The following PIK3C3 variants were observed in gnomAD, a reference collection of about 807,000 sequenced individuals.
PIK3C3 encodes PI3-kinase type 3.
In PIK3C3, 95 loss-of-function variants were observed where a neutral mutation model predicts 126.1. The observed-to-expected ratio is 0.75, with a 90% CI of 0.64 to 0.89. PIK3C3 has a LOEUF of 0.89. Ranked by LOEUF, PIK3C3 falls within the 40% of genes least tolerant of loss-of-function variation. PIK3C3 has a pLI of 0.00. For missense variants in PIK3C3, 829 were observed against 1,063.2 expected, an observed-to-expected ratio of 0.78 and a Z score of 3.06; for synonymous variants, 374 against 360.0, an observed-to-expected ratio of 1.04 and a Z score of -0.44.
At chr18:41,994,867 A>T (rs1285671629) in intron 7 of PIK3C3, among the ~76,000 whole-genome samples, 2 of 152,010 alleles carry the variant, frequency 1.3e-5, no homozygotes, top group South Asian at 4.1e-4. Context: ...GGGAGACCCC[A>T]TCTCTACAAA....
chr18:42,059,004 C>G (rs758654122), intron 22 of PIK3C3, among the ~76,000 whole-genome samples: 1 of 152,204 alleles, frequency 6.6e-6, no homozygotes, highest in Non-Finnish European at 1.5e-5. Context: ...ATCAATTACT[C>G]ATACAGTGTT....
In PIK3C3 at chr18:42,082,754, A is replaced by G. The variant is rs1986294766; in HGVS notation, c.*1617A>G. 6.6e-6 allele frequency: 1 copy of G among 152,190 alleles called. No individual in the cohort carries two copies. Among genetic ancestry groups the G allele is most frequent in the Non-Finnish European group, 1.5e-5 (1 of 68,040 alleles). The allele number at this position is 152,190 out of a possible 1,614,324, so 9.4% of individuals were successfully genotyped here. ...CATACTTTTTCTTTAATGGGCTAAG[A>G]AAGTAAATATCTTCAGCTTTGGGGG... is the stretch of plus-strand genomic sequence containing the variant. On this transcript the variant is annotated 3_prime_UTR_variant, in exon 25 of 25. Coordinates refer to ENST00000262039, the MANE Select transcript of PIK3C3 (RefSeq NM_002647.4).
intron 13 of PIK3C3, among the ~76,000 whole-genome samples, chr18:42,022,337 C>T (rs186496037): frequency 2.0e-5 from 3 of 152,198 alleles, no homozygotes; most frequent in East Asian, 1.9e-4. Context: ...GCCCTGTGTC[C>T]AAGTGTTCTC....
At chr18:41,955,415 C>T (rs1036429056) in intron 1 of PIK3C3, 56 bp downstream of exon 1, 1 of 1,462,278 alleles carries the variant, frequency 6.8e-7, no homozygotes, top group African/African-American at 1.4e-5. Context: ...GACGTGGGGG[C>T]AGGGGCCTGT....
At chr18:42,053,030 A>G (rs571765923) in intron 21 of PIK3C3, 6 of 152,314 alleles carry the variant, frequency 3.9e-5, no homozygotes, top group South Asian at 2.1e-4. Flanking sequence ...TTGAATTTCA[A>G]TCAGACTTCC....
At chr18:41,966,758 C>T (rs1393325694) in intron 3 of PIK3C3, among the ~76,000 whole-genome samples, 1 of 152,084 alleles carries the variant, frequency 6.6e-6, no homozygotes, top group African/African-American at 2.4e-5. Flanking sequence ...TTCTGTTTTC[C>T]ATAGTCAGAT....
intron 4 of PIK3C3, among the ~76,000 whole-genome samples, chr18:41,972,915 C>T (rs1190586155): frequency 6.6e-6 from 1 of 151,986 alleles, no homozygotes; most frequent in Non-Finnish European, 1.5e-5. Context: ...TAAGATTTGA[C>T]AAAATTGGAA....
intron 16 of PIK3C3, among the ~76,000 whole-genome samples, chr18:42,035,153 A>G (rs1983992224): frequency 6.6e-6 from 1 of 152,198 alleles, no homozygotes; most frequent in African/African-American, 2.4e-5. Flanking sequence ...TATAGGAGAT[A>G]CAGTGCAATT....
chr18:41,994,381 G>A (rs1481482260), intron 7 of PIK3C3, among the ~76,000 whole-genome samples: 1 of 152,160 alleles, frequency 6.6e-6, no homozygotes, highest in East Asian at 1.9e-4. Context: ...CACTAAGTAT[G>A]AAGAAATTCA....
intron 4 of PIK3C3, 40 bp from the exon 5 acceptor site, chr18:41,987,772 G>A (rs747444838): frequency 7.4e-7 from 1 of 1,346,690 alleles, no homozygotes; most frequent in Non-Finnish European, 1.1e-6. Flanking sequence ...CTTTCTACTA[G>A]ATGTATATTA....
chr18:42,010,688 A>G (rs1250604658), intron 10 of PIK3C3, among the ~76,000 whole-genome samples: 1 of 152,130 alleles, frequency 6.6e-6, no homozygotes, highest in Admixed American at 6.5e-5. Flanking sequence ...GAAAGTTAGA[A>G]TCAACTTCTT....
At position 42,012,186 on chromosome 18, in the gene PIK3C3, A is replaced by T. The variant is rs1244062138; in HGVS notation, c.1171-1256A>T. 5.4e-3 allele frequency among the ~76,000 whole-genome samples: 504 copies of T among 92,620 alleles called. 1 individual carries two copies. The highest frequency in any genetic ancestry group is 0.013 in the South Asian group (23 of 1,804). The allele number at this position is 92,620 out of a possible 152,430, so 60.8% of individuals were successfully genotyped here. A position where few individuals can be genotyped will look rare whatever the true frequency, so the allele number is the denominator to read the frequency against. On this transcript the variant is annotated intron_variant, in intron 10 of 24. Transcript: ENST00000262039. ...GTTGCTACAAACCTTCATTCTGTAA[A>T]AAAAAAAAAAAAATGCAATGTGTGC...
intron 4 of PIK3C3, among the ~76,000 whole-genome samples, chr18:41,978,418 G>T (rs1981038486): frequency 6.6e-6 from 1 of 152,190 alleles, no homozygotes; most frequent in Non-Finnish European, 1.5e-5. Flanking sequence ...CACAAAGTTT[G>T]AGAAAGGCAA....
chr18:42,008,073 A>G (rs1024228590), intron 10 of PIK3C3, among the ~76,000 whole-genome samples: 9 of 152,096 alleles, frequency 5.9e-5, no homozygotes, highest in African/African-American at 1.7e-4. Flanking sequence ...ATTTTTATCA[A>G]TCTACTGTAA....
Position 41,993,291 on chromosome 18 carries a change from A to G in PIK3C3, c.736A>G (p.Ile246Val), listed in dbSNP as rs772290869. Residue 246 changes from isoleucine to valine, a missense_variant, in exon 7 of 25, where the codon ATT becomes GTT. Ile to Val is a conservative substitution (Grantham distance 29). Transcript: ENST00000262039. ...CTAGGACGGTGATGAATCATCTCCA[A>G]TTTTAACAAGTTTTGAATTAGTGAA... Reference protein sequence around the residue: ...YEKDGDESSPILTSFELVKVP... With the variant: ...YEKDGDESSPVLTSFELVKVP... 4 of 1,609,670 alleles carry G rather than the reference A, an allele frequency of 2.5e-6. No homozygotes were observed. Among genetic ancestry groups the G allele is most frequent in the Admixed American group, 1.7e-5 (1 of 59,734 alleles).
chr18:41,972,200 AC>A (rs1184729758), intron 4 of PIK3C3, among the ~76,000 whole-genome samples: 10 of 151,970 alleles, frequency 6.6e-5, no homozygotes, highest in Non-Finnish European at 1.5e-4. Flanking sequence ...TGAAACAGTA[AC>A]CCTTCATGCT....
At chr18:42,018,769 A>G (rs1983189578) in intron 12 of PIK3C3, among the ~76,000 whole-genome samples, 1 of 151,988 alleles carries the variant, frequency 6.6e-6, no homozygotes, top group South Asian at 2.1e-4. Flanking sequence ...CATTTTAGTT[A>G]TTATTTTATT....
intron 22 of PIK3C3, chr18:42,060,028 G>T (rs1420964082): frequency 6.6e-6 from 1 of 152,030 alleles, no homozygotes; most frequent in African/African-American, 2.4e-5. Flanking sequence ...GCCCACCTTG[G>T]CCTCTCAAAG....
In PIK3C3 at chr18:42,085,989, T is replaced by A. The variant is rs1017275424; in HGVS notation, c.*4852T>A. On this transcript the variant is annotated 3_prime_UTR_variant, in exon 25 of 25. Transcript: ENST00000262039. ...CACAAAAATTAGCTGAGTGTGGTGG[T>A]TCACACTTGTAATCACAGCTACCTG... 1.3e-5 allele frequency: 2 copies of A among 151,976 alleles called. No individual in the cohort carries two copies. The highest frequency in any genetic ancestry group is 4.8e-5 in the African/African-American group (2 of 41,318). The allele number at this position is 151,976 out of a possible 1,614,324, so 9.4% of individuals were successfully genotyped here.
Sources: gnomAD v4.1 joint callset for allele counts (sites outside exome capture counted in the v4.1 genomes callset) on GRCh38, gnomAD v4.1.1 for gene constraint, MANE v1.5 for transcripts, NCBI Gene and HGNC (gene_info 2026-07-23, HGNC 2026-07-21) for gene names.